The following GRAMD4 variants were observed in gnomAD, a reference collection of about 807,000 sequenced individuals.
GRAMD4 encodes the protein GRAM domain containing 4.
Under a neutral mutation model 83.9 loss-of-function variants are expected in GRAMD4, and 25 were observed. The ratio of observed to expected loss-of-function variants is 0.30; its 90% CI spans 0.22 to 0.42. The LOEUF (loss-of-function observed/expected upper bound fraction) is 0.42. Ranked by LOEUF, GRAMD4 falls within the 10% of genes least tolerant of loss-of-function variation. The pLI, the probability that GRAMD4 is intolerant of heterozygous loss-of-function variation, is 1.00. For synonymous variants in GRAMD4, 336 were observed against 320.9 expected (o/e 1.05, Z -0.50); for missense variants, 593 against 788.7 (o/e 0.75, Z 2.97).
intron 1 of GRAMD4, among the ~76,000 whole-genome samples, chr22:46,587,640 C>CGTCCTGTCCT (rs527792297): frequency 4.6e-5 from 7 of 151,972 alleles, no homozygotes; most frequent in East Asian, 2.0e-4. Context: ...GGCAAGGCTC[C>CGTCCTGTCCT]GTCCTGTCCT....
At chr22:46,648,899 C>G (rs368616995) in intron 3 of GRAMD4, among the ~76,000 whole-genome samples, 1,060 of 13,594 alleles carry the variant, frequency 0.078, 6 homozygotes, top group East Asian at 0.11. Context: ...TGGATGGATG[C>G]ATGGATGGAT....
chr22:46,599,409 C>T (rs1602315553), intron 1 of GRAMD4, among the ~76,000 whole-genome samples: 1 of 152,022 alleles, frequency 6.6e-6, no homozygotes, highest in Non-Finnish European at 1.5e-5. Flanking sequence ...ACCTCTACCT[C>T]CCGGGTTCAA....
chr22:46,587,479 T>C (rs1042671965), intron 1 of GRAMD4, among the ~76,000 whole-genome samples: 9 of 151,526 alleles, frequency 5.9e-5, no homozygotes, highest in Non-Finnish European at 1.2e-4. Context: ...CAGGTTTGTG[T>C]CTTCTGCTTG....
chr22:46,577,190 C>A, exon 1 of GRAMD4: 2 of 736,870 alleles, frequency 2.7e-6, no homozygotes, highest in Non-Finnish European at 3.3e-6. Flanking sequence ...TCCCCGGCGC[C>A]GCTGGGCTCC....
At position 46,647,037 on chromosome 22, in the gene GRAMD4, G is replaced by A. The variant is rs118077888; in HGVS notation, c.283+9077G>A. Among the ~76,000 whole-genome samples the A allele has an allele frequency of 5.9e-3, 893 of 152,204 alleles. 6 individuals are homozygous for A. The highest frequency in any genetic ancestry group is 9.2e-3 in the Non-Finnish European group (628 of 68,012). On this transcript the variant is annotated intron_variant, in intron 3 of 18. Transcript: ENST00000406902. ...CCCCCGTGTTTTAATTACCTCCCAC[G>A]GGGCCCCTCCCACAACACTTGGGAA...
chr22:46,626,269 C>A (rs2081657349), intron 1 of GRAMD4, among the ~76,000 whole-genome samples: 1 of 152,238 alleles, frequency 6.6e-6, no homozygotes, highest in Non-Finnish European at 1.5e-5. Flanking sequence ...GTGTATGTGG[C>A]CGTCGTGTTG....
intron 1 of GRAMD4, among the ~76,000 whole-genome samples, chr22:46,578,178 G>A (rs2081063899): frequency 6.6e-6 from 1 of 152,194 alleles, no homozygotes; most frequent in Non-Finnish European, 1.5e-5. Flanking sequence ...TGCAGGATGG[G>A]GTTCCCTTCT....
At chr22:46,616,622 A>G (rs1455690811), upstream of GRAMD4, among the ~76,000 whole-genome samples, 1 of 104,818 alleles carries the variant, frequency 9.5e-6, no homozygotes, top group African/African-American at 3.9e-5. Flanking sequence ...CTGTGTGTGT[A>G]GGTTCCCCTG....
rs1019535403 is a variant in GRAMD4, at chr22:46,651,324, C to T, written c.284-6863C>T. On this transcript the variant is annotated intron_variant, in intron 3 of 18. Transcript: ENST00000406902. The stretch of plus-strand genomic sequence containing the variant: ...TGCTGTGCACTCAGCCTATTTCGGC[C>T]GGCCCTCGACCCTGGAAGAGGCGCA... 4.6e-5 allele frequency among the ~76,000 whole-genome samples: 7 copies of T among 152,220 alleles called. No individual in the cohort carries two copies. In the East Asian group the frequency reaches 7.7e-4, roughly 17 times the overall value.
intron 1 of GRAMD4, among the ~76,000 whole-genome samples, chr22:46,591,158 G>T (rs1016908112): frequency 2.0e-5 from 3 of 152,228 alleles, no homozygotes; most frequent in Admixed American, 2.0e-4. Flanking sequence ...CCTCTCAGCC[G>T]CGGGGTCCAG....
intron 1 of GRAMD4, chr22:46,587,794 GACCT>G (rs2081165220): frequency 1.8e-6 from 1 of 551,282 alleles, no homozygotes; most frequent in East Asian, 1.5e-4. Flanking sequence ...CCTGGAGCCT[GACCT>G]GCCTAACAGT....
At chr22:46,631,143 G>T (rs1373266686) in intron 2 of GRAMD4, among the ~76,000 whole-genome samples, 2 of 152,242 alleles carry the variant, frequency 1.3e-5, no homozygotes, top group South Asian at 2.1e-4. Flanking sequence ...CTTTTTATTT[G>T]TTGTGGTAAA....
At chr22:46,651,798 C>T (rs1014630042) in intron 3 of GRAMD4, among the ~76,000 whole-genome samples, 1 of 152,114 alleles carries the variant, frequency 6.6e-6, no homozygotes, top group Admixed American at 6.5e-5. Context: ...GCCTTGGTGG[C>T]GGCACTGGGG....
At chr22:46,625,795 G>C (rs780157155) in intron 1 of GRAMD4, among the ~76,000 whole-genome samples, 3 of 152,258 alleles carry the variant, frequency 2.0e-5, no homozygotes, top group Non-Finnish European at 2.9e-5. Flanking sequence ...GGCTTTTGGG[G>C]GTGCCTTGGT....
intron 3 of GRAMD4, among the ~76,000 whole-genome samples, chr22:46,645,172 C>T (rs567664359): frequency 6.6e-6 from 1 of 152,080 alleles, no homozygotes; most frequent in African/African-American, 2.4e-5. Context: ...ATACCCCAAG[C>T]ATGATGTCTT....
At chr22:46,680,509 T>TAGCC (rs201493966), downstream of GRAMD4, among the ~76,000 whole-genome samples, 1,602 of 149,796 alleles carry the variant, frequency 0.011, 30 homozygotes, top group African/African-American at 0.036. Context: ...TCCATCGACA[T>TAGCC]AGCCAGCCAC....
chr22:46,603,514 TC>T (rs2081334723), intron 1 of GRAMD4, among the ~76,000 whole-genome samples: 1 of 60,396 alleles, frequency 1.7e-5, no homozygotes, highest in Non-Finnish European at 3.1e-5. Flanking sequence ...CGGCCTCTTC[TC>T]TTTTTTTTTT....
At chr22:46,616,926 A>G (rs796656179), upstream of GRAMD4, among the ~76,000 whole-genome samples, 139 of 1,792 alleles carry the variant, frequency 0.078, 1 homozygote, top group Admixed American at 0.11. Flanking sequence ...CCCTGTGCGT[A>G]TAGGTTCCCC....
At chr22:46,639,063 T>G (rs1402289562) in intron 3 of GRAMD4, among the ~76,000 whole-genome samples, 1 of 152,236 alleles carries the variant, frequency 6.6e-6, no homozygotes, top group Non-Finnish European at 1.5e-5. Flanking sequence ...AGCCTGTGTA[T>G]GTACAGCACT....
Sources: gnomAD v4.1 joint callset for allele counts (sites outside exome capture counted in the v4.1 genomes callset) on GRCh38, gnomAD v4.1.1 for gene constraint, MANE v1.5 for transcripts, NCBI Gene and HGNC (gene_info 2026-07-23, HGNC 2026-07-21) for gene names.